The following DNMT1 variants were observed in gnomAD, a reference collection of about 807,000 sequenced individuals.
DNMT1 encodes the protein DNA methyltransferase 1, also known as DNA (cytosine-5)-methyltransferase 1.
A neutral mutation model predicts 205.3 loss-of-function variants in DNMT1; 24 were observed. The observed-to-expected ratio is 0.12, with a 90% CI of 0.08 to 0.16. The LOEUF (loss-of-function observed/expected upper bound fraction) is 0.16. Among genes scored for constraint, DNMT1 ranks in the 10% least tolerant of loss-of-function variants. The probability of loss-of-function intolerance (pLI) is 1.00; values close to 1 mark genes in which losing one functional copy is unlikely to be tolerated. For synonymous variants in DNMT1, 817 were observed against 839.8 expected, an observed-to-expected ratio of 0.97 and a Z score of 0.47; for missense variants, 1,293 against 2,177.7, an observed-to-expected ratio of 0.59 and a Z score of 8.09.
intron 2 of DNMT1, 51 bp from the exon 3 acceptor site, chr19:10,180,936 T>A: frequency 6.8e-7 from 1 of 1,461,420 alleles, no homozygotes. Flanking sequence ...AGCTATTCAC[T>A]AGTGGACTAA....
At chr19:10,173,503 T>C (rs1170933739) in intron 8 of DNMT1, among the ~76,000 whole-genome samples, 3 of 151,698 alleles carry the variant, frequency 2.0e-5, no homozygotes, top group African/African-American at 7.3e-5. Context: ...CTTTTTTTTT[T>C]TTTTTTGAGA....
chr19:10,136,217 C>T lies in DNMT1; in HGVS notation c.4560G>A (p.Gly1520=), dbSNP rs561678303. 4 of 1,614,142 alleles carry T rather than the reference C, an allele frequency of 2.5e-6. No individual in the cohort carries two copies. Among genetic ancestry groups the T allele is most frequent in the African/African-American group, 1.3e-5 (1 of 75,066 alleles). Residue 1520 remains glycine, a synonymous_variant, in exon 38 of 41, where the codon GGG becomes GGA. Coordinates refer to ENST00000359526, the MANE Select transcript of DNMT1 (RefSeq NM_001130823.3). ...TLIPWCLPHT[G]NRHNHWAGLY... ...GGCCAGCCCAGTGGTTGTGCCGGTT[C>T]CCGGTGTGGGGCAGGCACCAGGGGA... is the stretch of plus-strand genomic sequence containing the variant.
chr19:10,138,143 A>G lies in DNMT1; in HGVS notation c.4116-134T>C. 8.3e-7 allele frequency: 1 copy of G among 1,207,402 alleles called. No individual in the cohort carries two copies. Among genetic ancestry groups the G allele is most frequent in the Non-Finnish European group, 1.2e-6 (1 of 850,414 alleles). The allele number at this position is 1,207,402 out of a possible 1,614,324, so 74.8% of individuals were successfully genotyped here. A position where few individuals can be genotyped will look rare whatever the true frequency, so the allele number is the denominator to read the frequency against. ...CACTGCCCGAGGTCACATGGGTGGC[A>G]GTGTGCCTGGATGCCATCTGGAAGG... On this transcript the variant is annotated intron_variant, in intron 35 of 40. Transcript: ENST00000359526. This position sits in a 1 kb window ranked among gnomAD's most constrained non-coding sequence, Gnocchi z 4.1.
At chr19:10,177,113 A>G (rs547985894) in intron 6 of DNMT1, among the ~76,000 whole-genome samples, 179 bp downstream of exon 6, 1 of 152,260 alleles carries the variant, frequency 6.6e-6, no homozygotes, top group African/African-American at 2.4e-5. Flanking sequence ...GAACTTTCCT[A>G]TATGAGTAAA....
chr19:10,155,779 C>G (rs1568235442), intron 19 of DNMT1, 74 bp downstream of exon 19: 3 of 1,486,122 alleles, frequency 2.0e-6, no homozygotes, highest in South Asian at 2.4e-5. Flanking sequence ...ACCAGAGCCC[C>G]GTCAGCCCCC....
At chr19:10,169,386 C>CAAAAAAAAAA (rs61170762) in intron 9 of DNMT1, among the ~76,000 whole-genome samples, 99 of 79,416 alleles carry the variant, frequency 1.2e-3, no homozygotes, top group Middle Eastern at 8.8e-3. Flanking sequence ...ACTAAAAATA[C>CAAAAAAAAAA]AAAAAAAAAA....
intron 1 of DNMT1, among the ~76,000 whole-genome samples, chr19:10,182,594 G>C (rs1437131194): frequency 6.7e-6 from 1 of 150,120 alleles, no homozygotes; most frequent in African/African-American, 2.5e-5. Context: ...AACAGAGTAT[G>C]TGTGTATATA....
intron 13 of DNMT1, among the ~76,000 whole-genome samples, chr19:10,161,126 G>C (rs1224316625): frequency 1.3e-5 from 2 of 152,116 alleles, no homozygotes; most frequent in African/African-American, 4.8e-5. Flanking sequence ...CCAAGATGGT[G>C]AAACCCTGTC....
At position 10,173,198 on chromosome 19, in the gene DNMT1, C is replaced by A. The variant is rs746240578; in HGVS notation, c.684-24G>T. 10 of 1,613,496 alleles carry A rather than the reference C, an allele frequency of 6.2e-6. 2 individuals carry two copies. The South Asian group carries it at 1.1e-4, about 18-fold the overall frequency. On this transcript the variant is annotated intron_variant, in intron 8 of 40. Transcript: ENST00000359526. ...CTCTGTCAAGCAAAATAACACAGAC[C>A]CCAAGTGTGAGTGCCAGGAGCTTCC...
At chr19:10,184,272 T>C (rs1438313579) in intron 1 of DNMT1, 2 of 151,894 alleles carry the variant, frequency 1.3e-5, no homozygotes, top group African/African-American at 4.8e-5. Context: ...TGGTGGCATT[T>C]TGAGGATGAA....
intron 6 of DNMT1, among the ~76,000 whole-genome samples, chr19:10,176,730 C>T (rs898192546): frequency 1.3e-5 from 2 of 151,946 alleles, no homozygotes; most frequent in African/African-American, 4.8e-5. Flanking sequence ...TGGCGGCGCG[C>T]GCCTGTAATC....
intron 5 of DNMT1, among the ~76,000 whole-genome samples, chr19:10,178,906 C>A (rs887582746): frequency 1.3e-5 from 2 of 151,900 alleles, no homozygotes; most frequent in African/African-American, 4.8e-5. Flanking sequence ...GCGGGCGGAT[C>A]ATGAGGTCAG....
At chr19:10,191,313 T>C (rs1030771383) in intron 1 of DNMT1, among the ~76,000 whole-genome samples, 28 of 150,056 alleles carry the variant, frequency 1.9e-4, no homozygotes, top group African/African-American at 6.9e-4. Flanking sequence ...AAGTTTCAAG[T>C]ACTGTTGGAT....
At position 10,151,374 on chromosome 19, in the gene DNMT1, T is replaced by A. The variant is rs772665775; in HGVS notation, c.2265+24A>T. The A allele has an allele frequency of 2.5e-6, 4 of 1,610,490 alleles. No homozygotes were observed. The highest frequency in any genetic ancestry group is 3.4e-6 in the Non-Finnish European group (4 of 1,180,018). ...GCTTATTGGGAACATGGCAGTGAGC[T>A]GACCAAGGGGCTCCAAGGGTTACCT... On this transcript the variant is annotated intron_variant, in intron 24 of 40. Coordinates refer to ENST00000359526, the MANE Select transcript of DNMT1 (RefSeq NM_001130823.3). The surrounding 1 kb of genome is among the most constrained non-coding windows in gnomAD (Gnocchi z 5.0).
At position 10,137,327 on chromosome 19, in the gene DNMT1, C is replaced by T. The variant is rs752585204; in HGVS notation, c.4294-47G>A. The T allele has an allele frequency of 6.4e-6, 10 of 1,562,872 alleles. No homozygotes were observed. In the Admixed American group the frequency reaches 1.9e-4, roughly 29 times the overall value. On this transcript the variant is annotated intron_variant, in intron 36 of 40. Transcript: ENST00000359526. The surrounding 1 kb of genome is among the most constrained non-coding windows in gnomAD (Gnocchi z 6.4). ...AGCTGTCACCTCATGTGAGCAGCAT[C>T]CGAGCATCCATGGTGGGCTGGGAGC...
At chr19:10,161,088 C>T (rs1030377059) in intron 13 of DNMT1, among the ~76,000 whole-genome samples, 7 of 152,008 alleles carry the variant, frequency 4.6e-5, no homozygotes, top group Admixed American at 2.0e-4. Context: ...GGATGGATCA[C>T]GAGATCAAGA....
rs1158211302 is a variant in DNMT1 at position 10,138,172 on chromosome 19, G to A, written c.4116-163C>T. The stretch of plus-strand genomic sequence containing the variant: ...TGCCTGGATGCCATCTGGAAGGGGG[G>A]ATGGGGCTATGGCGTGGGCTTTGTG... On this transcript the variant is annotated intron_variant, in intron 35 of 40. Coordinates refer to ENST00000359526, the MANE Select transcript of DNMT1 (RefSeq NM_001130823.3). The surrounding 1 kb of genome is among the most constrained non-coding windows in gnomAD (Gnocchi z 4.1). Among the ~76,000 whole-genome samples the A allele has an allele frequency of 6.6e-6, 1 of 152,264 alleles. No individual in the cohort carries two copies. The highest frequency in any genetic ancestry group is 6.5e-5 in the Admixed American group (1 of 15,292).
chr19:10,142,403 T>C (rs1388737792), intron 29 of DNMT1, among the ~76,000 whole-genome samples, 183 bp from the exon 30 acceptor site: 1 of 146,996 alleles, frequency 6.8e-6, no homozygotes, highest in African/African-American at 2.6e-5. Context: ...CTCCCCACAC[T>C]GGGGAACTGC....
intron 9 of DNMT1, among the ~76,000 whole-genome samples, chr19:10,168,889 G>A (rs2038747484): frequency 6.6e-6 from 1 of 152,182 alleles, no homozygotes; most frequent in African/African-American, 2.4e-5. Flanking sequence ...CCAGGCTGGA[G>A]TGCAGTGGTG....
Sources: gnomAD v4.1 joint callset for allele counts (sites outside exome capture counted in the v4.1 genomes callset) on GRCh38, gnomAD v4.1.1 for gene constraint, Gnocchi (gnomAD v3.1) non-coding constraint, MANE v1.5 for transcripts, NCBI Gene and HGNC (gene_info 2026-07-23, HGNC 2026-07-21) for gene names.